JARID2: variants seen among roughly 807,000 people sequenced by gnomAD.
JARID2 encodes jumonji and AT-rich interaction domain containing 2.
A neutral mutation model predicts 125.6 loss-of-function variants in JARID2; 21 were observed. The observed-to-expected ratio is 0.17, with a 90% CI of 0.12 to 0.24. The LOEUF (loss-of-function observed/expected upper bound fraction) is 0.24, where lower values mean the gene tolerates loss of function less well. JARID2 is among the 10% of genes least tolerant of loss of function. The pLI is 1.00. For missense variants in JARID2, 1,303 were observed against 1,639.6 expected (o/e 0.79, Z 3.55); for synonymous variants, 736 against 661.6 (o/e 1.11, Z -1.73).
In JARID2 at chr6:15,496,698, G is replaced by T. The variant is rs775503677; in HGVS notation, c.1473G>T (p.Glu491Asp). The T allele has an allele frequency of 2.5e-6, 4 of 1,613,422 alleles. No homozygotes were observed. In the East Asian group the frequency reaches 8.9e-5, roughly 36 times the overall value. ...GACACGTGAAGAAGGAAGTGCCGGA[G>T]CGCAGTCTGGAGAGGAATCGGCCGA... is the stretch of plus-strand genomic sequence containing the variant. ...LNGHVKKEVP[E>D]RSLERNRPKR... The change falls in exon 7 of 18, where the codon GAG becomes GAT. Residue 491 changes from glutamate to aspartate, a missense_variant. Physicochemically the swap from Glu to Asp is conservative, Grantham distance 45 (BLOSUM62 2). This residue lies in a region of JARID2 where 651 missense variants were observed against 581.6 expected (regional missense o/e 1.12). Transcript: ENST00000341776.
intron 1 of JARID2, among the ~76,000 whole-genome samples, chr6:15,363,748 T>A (rs553498255): frequency 1.3e-5 from 2 of 152,322 alleles, no homozygotes; most frequent in East Asian, 3.9e-4. Flanking sequence ...TGTCGCTTGG[T>A]GGACACACGT....
intron 3 of JARID2, among the ~76,000 whole-genome samples, chr6:15,416,140 A>C (rs1214590958): frequency 1.4e-5 from 2 of 141,208 alleles, no homozygotes; most frequent in Admixed American, 1.4e-4. Flanking sequence ...GGCGGCCGGG[A>C]AGAGGCGCTC....
intron 1 of JARID2, among the ~76,000 whole-genome samples, chr6:15,317,621 C>T (rs189872434): frequency 2.5e-4 from 38 of 151,616 alleles, no homozygotes; most frequent in African/African-American, 9.2e-4. Context: ...GGTCCATAGT[C>T]CACTGCCAGA....
chr6:15,476,305 T>C (rs1455448027), intron 5 of JARID2, among the ~76,000 whole-genome samples: 2 of 152,200 alleles, frequency 1.3e-5, no homozygotes, highest in African/African-American at 4.8e-5. Context: ...TCATCTTGTT[T>C]CTCCACAAAA....
At chr6:15,348,301 A>G (rs1377652843) in intron 1 of JARID2, among the ~76,000 whole-genome samples, 2 of 152,134 alleles carry the variant, frequency 1.3e-5, no homozygotes, top group African/African-American at 4.8e-5. Flanking sequence ...CATGTTGGCC[A>G]GTCCGGTCTG....
intron 1 of JARID2, among the ~76,000 whole-genome samples, chr6:15,350,735 T>A (rs1047961615): frequency 6.6e-6 from 1 of 151,766 alleles, no homozygotes; most frequent in Non-Finnish European, 1.5e-5. Flanking sequence ...TTAAGGTTTT[T>A]TTTTTTTTTT....
chr6:15,267,447 G>C (rs529339120), intron 1 of JARID2, among the ~76,000 whole-genome samples: 1 of 152,126 alleles, frequency 6.6e-6, no homozygotes, highest in South Asian at 2.1e-4. Flanking sequence ...GGAGGGAACC[G>C]ATACCTTCTG....
intron 12 of JARID2, among the ~76,000 whole-genome samples, chr6:15,510,826 GTTCCTGTCTGGAGGGC>G (rs1461750034): frequency 4.6e-5 from 7 of 152,228 alleles, no homozygotes; most frequent in Admixed American, 3.3e-4. Flanking sequence ...AGGGTTTACT[GTTCCTGTCTGGAGGGC>G]CGAGGGAGCC....
chr6:15,352,162 C>T (rs1763452088), intron 1 of JARID2, among the ~76,000 whole-genome samples: 1 of 152,074 alleles, frequency 6.6e-6, no homozygotes, highest in African/African-American at 2.4e-5. Flanking sequence ...CTGTTAGTTT[C>T]TTGAACCCAA....
At chr6:15,303,350 T>G (rs1307545904) in intron 1 of JARID2, among the ~76,000 whole-genome samples, 1 of 152,258 alleles carries the variant, frequency 6.6e-6, no homozygotes, top group Admixed American at 6.5e-5. Context: ...AGGGTGTGCC[T>G]TTCAGATAAG....
chr6:15,450,658 A>C (rs561341685), intron 3 of JARID2, among the ~76,000 whole-genome samples: 1 of 152,160 alleles, frequency 6.6e-6, no homozygotes, highest in Admixed American at 6.5e-5. Flanking sequence ...CTAGGTGAAC[A>C]GTTTAAAGTA....
rs1251981998 is a variant in JARID2, at chr6:15,496,457, G to T, written c.1232G>T (p.Gly411Val). 3 of 1,613,634 alleles carry T rather than the reference G, an allele frequency of 1.9e-6. No homozygotes were observed. The African/African-American group carries it at 4.0e-5, about 21-fold the overall frequency. Residue 411 changes from glycine to valine, a missense_variant, in exon 7 of 18, where the codon GGC becomes GTC. By Grantham distance (109) the Gly-to-Val change is moderately radical. Around this residue, in one of 11 missense-constraint regions of JARID2, gnomAD observed 651 missense variants for 581.6 expected, o/e 1.12. Transcript: ENST00000341776. Reference protein sequence around the residue: ...GPAVNGLKVSGRLNPKSCTKE... With the variant: ...GPAVNGLKVSVRLNPKSCTKE... ...GCCGTCAATGGCCTCAAGGTCAGTG[G>T]CAGGTTGAACCCAAAGTCATGCACT...
chr6:15,461,087 A>G (rs1033014337), intron 4 of JARID2, among the ~76,000 whole-genome samples: 1 of 152,180 alleles, frequency 6.6e-6, no homozygotes, highest in South Asian at 2.1e-4. Flanking sequence ...GGCTGCTGCT[A>G]TGTGGTATGA....
chr6:15,385,849 G>A (rs566417758), intron 2 of JARID2, among the ~76,000 whole-genome samples: 1 of 152,198 alleles, frequency 6.6e-6, no homozygotes, highest in Admixed American at 6.6e-5. Context: ...GACACCCTAG[G>A]CCCCCAGATG....
intron 5 of JARID2, among the ~76,000 whole-genome samples, chr6:15,474,824 A>C (rs558608087): frequency 6.6e-6 from 1 of 152,344 alleles, no homozygotes; most frequent in South Asian, 2.1e-4. Flanking sequence ...TAAAACTTTT[A>C]TATCCCACCG....
intron 3 of JARID2, among the ~76,000 whole-genome samples, chr6:15,418,176 C>G (rs1346732269): frequency 6.6e-6 from 1 of 151,558 alleles, no homozygotes; most frequent in Non-Finnish European, 1.5e-5. Context: ...ACCCAGAACC[C>G]TAATGTTTAG....
chr6:15,340,913 T>C (rs942622629), intron 1 of JARID2, among the ~76,000 whole-genome samples: 1 of 152,062 alleles, frequency 6.6e-6, no homozygotes, highest in Non-Finnish European at 1.5e-5. Context: ...AAGGGATGAG[T>C]CTTTCTCTGC....
At chr6:15,516,010 A>AG (rs1771542204) in intron 16 of JARID2, among the ~76,000 whole-genome samples, 2 of 149,224 alleles carry the variant, frequency 1.3e-5, no homozygotes, top group African/African-American at 5.0e-5. Context: ...AAAAAAAAAA[A>AG]CCCGTTATAA....
chr6:15,321,558 C>G (rs1266221807), intron 1 of JARID2, among the ~76,000 whole-genome samples: 1 of 152,126 alleles, frequency 6.6e-6, no homozygotes, highest in Non-Finnish European at 1.5e-5. Context: ...GAACCAAAGA[C>G]TGACTGTCAG....
Sources: allele counts gnomAD v4.1 joint callset (sites outside exome capture counted in the v4.1 genomes callset), GRCh38; gene constraint gnomAD v4.1.1; regional missense constraint gnomAD v4.1.1; transcripts MANE v1.5; gene names NCBI Gene and HGNC (gene_info 2026-07-23, HGNC 2026-07-21).